CACNA2D3: variants seen among roughly 807,000 people sequenced by gnomAD.
CACNA2D3 encodes voltage-dependent calcium channel subunit alpha-2/delta-3.
In CACNA2D3, 60 loss-of-function variants were observed where a neutral mutation model predicts 160.6. That is an observed-to-expected ratio of 0.37 (90% CI 0.30 to 0.46). CACNA2D3 has a LOEUF of 0.46. Ranked by LOEUF, CACNA2D3 falls within the 20% of genes least tolerant of loss-of-function variation. The probability of loss-of-function intolerance (pLI) is 1.00; values close to 1 mark genes in which losing one functional copy is unlikely to be tolerated. For missense variants in CACNA2D3, 1,205 were observed against 1,365.0 expected, an observed-to-expected ratio of 0.88 and a Z score of 1.85; for synonymous variants, 558 against 492.9, an observed-to-expected ratio of 1.13 and a Z score of -1.75.
intron 4 of CACNA2D3, among the ~76,000 whole-genome samples, chr3:54,494,532 T>C (rs1271547694): frequency 6.6e-6 from 1 of 152,206 alleles, no homozygotes; most frequent in Non-Finnish European, 1.5e-5. Flanking sequence ...TCAAGCAGGC[T>C]GAGGCTTCAT....
At chr3:54,494,211 T>G (rs962800145) in intron 4 of CACNA2D3, among the ~76,000 whole-genome samples, 10 of 152,228 alleles carry the variant, frequency 6.6e-5, no homozygotes, top group African/African-American at 2.4e-4. Flanking sequence ...TTTTCCTGCA[T>G]TGATCATATG....
Position 54,264,769 on chromosome 3 carries a change from G to A in CACNA2D3, c.205-55673G>A, listed in dbSNP as rs115385657. On this transcript the variant is annotated intron_variant, in intron 2 of 37. Coordinates refer to ENST00000474759, the MANE Select transcript of CACNA2D3 (RefSeq NM_018398.3). ...TTACATGACAGCCTTTTACTTTTTA[G>A]TCAGTTGATCCAAACACTACCAAGT... 9.8e-3 allele frequency among the ~76,000 whole-genome samples: 1,492 copies of A among 152,238 alleles called. 28 individuals carry two copies. Among genetic ancestry groups the A allele is most frequent in the African/African-American group, 0.034 (1,428 of 41,552 alleles).
At chr3:54,527,204 A>G (rs1328649412) in intron 5 of CACNA2D3, among the ~76,000 whole-genome samples, 2 of 152,222 alleles carry the variant, frequency 1.3e-5, no homozygotes, top group South Asian at 2.1e-4. Context: ...TATATCTCCA[A>G]TGAATCTATC....
At chr3:54,906,556 C>G (rs1467577477) in intron 27 of CACNA2D3, among the ~76,000 whole-genome samples, 1 of 152,164 alleles carries the variant, frequency 6.6e-6, no homozygotes, top group Non-Finnish European at 1.5e-5. Flanking sequence ...AATGAGATTC[C>G]TCATCCATGT....
chr3:54,970,736 T>C (rs1008602095), intron 29 of CACNA2D3, among the ~76,000 whole-genome samples: 1 of 151,066 alleles, frequency 6.6e-6, no homozygotes, highest in South Asian at 2.1e-4. Context: ...ATCTGCCTTA[T>C]GTTTTTATAC....
chr3:54,606,083 G>C (rs1698604778), intron 9 of CACNA2D3, among the ~76,000 whole-genome samples: 1 of 152,044 alleles, frequency 6.6e-6, no homozygotes, highest in Non-Finnish European at 1.5e-5. Context: ...ATCAGGGGAA[G>C]GGGGCTTATC....
chr3:54,188,244 C>G (rs927905602), intron 2 of CACNA2D3, among the ~76,000 whole-genome samples: 1 of 151,022 alleles, frequency 6.6e-6, no homozygotes, highest in African/African-American at 2.5e-5. Context: ...AACAAACAAA[C>G]AAACAAACAA....
chr3:54,400,410 A>T lies in CACNA2D3; in HGVS notation c.381+13636A>T, dbSNP rs573658007. Reference sequence around the variant, plus strand: ...CGACTCCTCTTCCATGGATATTCTGAGCACCTGTTTCCTGGAACTCAGCAC... The same window carrying T: ...CGACTCCTCTTCCATGGATATTCTGTGCACCTGTTTCCTGGAACTCAGCAC... On this transcript the variant is annotated intron_variant, in intron 4 of 37. Coordinates refer to ENST00000474759, the MANE Select transcript of CACNA2D3 (RefSeq NM_018398.3). Among the ~76,000 whole-genome samples the T allele has an allele frequency of 2.6e-5, 4 of 152,036 alleles. No homozygotes were observed. The South Asian group carries it at 8.3e-4, about 32-fold the overall frequency.
intron 3 of CACNA2D3, among the ~76,000 whole-genome samples, chr3:54,331,285 A>G (rs1054848199): frequency 6.6e-6 from 1 of 152,204 alleles, no homozygotes; most frequent in African/African-American, 2.4e-5. Flanking sequence ...GTCCATAGAA[A>G]AGCAATCAGC....
At chr3:54,892,150 GT>G (rs549973159) in intron 25 of CACNA2D3, among the ~76,000 whole-genome samples, 3 of 152,202 alleles carry the variant, frequency 2.0e-5, no homozygotes, top group African/African-American at 7.2e-5. Context: ...CTGTTAATAA[GT>G]TTTTTCTATT....
chr3:54,865,718 G>A (rs1407406194), intron 17 of CACNA2D3, among the ~76,000 whole-genome samples: 1 of 152,210 alleles, frequency 6.6e-6, no homozygotes, highest in Non-Finnish European at 1.5e-5. Flanking sequence ...CTCCCTAGGG[G>A]TGAGCTGCAT....
intron 10 of CACNA2D3, among the ~76,000 whole-genome samples, chr3:54,633,035 C>T (rs554663997): frequency 6.6e-6 from 1 of 152,212 alleles, no homozygotes; most frequent in East Asian, 1.9e-4. Flanking sequence ...GGAGTGGCTG[C>T]CAGGGCCAGG....
intron 2 of CACNA2D3, among the ~76,000 whole-genome samples, chr3:54,274,483 C>T (rs1209576259): frequency 6.6e-5 from 10 of 152,176 alleles, no homozygotes. Flanking sequence ...TGTTAGTGCT[C>T]CTGCTCGTCA....
Position 54,806,809 on chromosome 3 carries a change from C to G in CACNA2D3, c.1381-10044C>G, listed in dbSNP as rs548973079. 3.9e-3 allele frequency among the ~76,000 whole-genome samples: 598 copies of G among 152,184 alleles called. 5 individuals carry two copies. The highest frequency in any genetic ancestry group is 0.014 in the African/African-American group (581 of 41,514). On this transcript the variant is annotated intron_variant, in intron 13 of 37. Coordinates refer to ENST00000474759, the MANE Select transcript of CACNA2D3 (RefSeq NM_018398.3). ...CACTACCTGACTTCAAACTATACTA[C>G]AAGGCTACAGTAACCAAAACAGCAT...
At chr3:54,146,800 C>T (rs1000894088) in intron 2 of CACNA2D3, among the ~76,000 whole-genome samples, 4 of 152,222 alleles carry the variant, frequency 2.6e-5, no homozygotes, top group Admixed American at 6.5e-5. Context: ...CCCTGTTTCC[C>T]GCCTGCGATT....
intron 18 of CACNA2D3, chr3:54,878,687 C>A: frequency 5.0e-6 from 1 of 198,820 alleles, no homozygotes. Context: ...TGAAAACGTA[C>A]CTTGTCCCCA....
chr3:54,493,133 A>G (rs1409699315), intron 4 of CACNA2D3, among the ~76,000 whole-genome samples: 1 of 127,736 alleles, frequency 7.8e-6, no homozygotes, highest in African/African-American at 3.1e-5. Context: ...GCTGGAGTAC[A>G]GTGGCACAAT....
chr3:55,003,736 C>G (rs1457732342), intron 31 of CACNA2D3, among the ~76,000 whole-genome samples: 5 of 152,082 alleles, frequency 3.3e-5, no homozygotes, highest in Admixed American at 1.3e-4. Flanking sequence ...GGCCTGGGCT[C>G]TAGGTGTGGT....
chr3:55,006,040 G>C (rs2107140168), intron 32 of CACNA2D3, among the ~76,000 whole-genome samples: 1 of 152,228 alleles, frequency 6.6e-6, no homozygotes, highest in East Asian at 1.9e-4. Flanking sequence ...ATTTGTAAGA[G>C]GCAACTAAAA....
Sources: allele counts gnomAD v4.1 joint callset (sites outside exome capture counted in the v4.1 genomes callset), GRCh38; gene constraint gnomAD v4.1.1; transcripts MANE v1.5; gene names NCBI Gene and HGNC (gene_info 2026-07-23, HGNC 2026-07-21).